LARGE1: variants seen among roughly 807,000 people sequenced by gnomAD.
LARGE1 encodes LARGE xylosyl- and glucuronyltransferase 1, also known as xylosyl- and glucuronyltransferase LARGE1.
In LARGE1, 43 loss-of-function variants were observed where a neutral mutation model predicts 87.6. That is an observed-to-expected ratio of 0.49 (90% CI 0.38 to 0.63). The LOEUF (loss-of-function observed/expected upper bound fraction) is 0.63, where lower values mean the gene tolerates loss of function less well. Ranked by LOEUF, LARGE1 falls within the 30% of genes least tolerant of loss-of-function variation. The pLI is 0.00. For missense variants in LARGE1, 802 were observed against 1,000.2 expected (o/e 0.80, Z 2.67); for synonymous variants, 434 against 394.6 (o/e 1.10, Z -1.18).
At chr22:33,135,561 C>T in the LARGE1 span, among the ~76,000 whole-genome samples, 12 of 152,072 alleles carry the variant, frequency 7.9e-5, no homozygotes, top group African/African-American at 1.2e-4. Flanking sequence ...AGAAGCCGAC[C>T]GGACACAGTG....
At chr22:33,504,853 T>C (rs2070689350) in intron 6 of LARGE1, among the ~76,000 whole-genome samples, 1 of 152,190 alleles carries the variant, frequency 6.6e-6, no homozygotes, top group Non-Finnish European at 1.5e-5. Flanking sequence ...TAGACAATGA[T>C]TTTGAAAACC....
At chr22:33,890,177 C>T (rs957842592) in intron 1 of LARGE1, among the ~76,000 whole-genome samples, 3 of 152,202 alleles carry the variant, frequency 2.0e-5, no homozygotes, top group Non-Finnish European at 2.9e-5. Flanking sequence ...CAGGGTTAAG[C>T]GCATAATTCT....
chr22:33,295,164 G>GC (rs1415669929), intron 12 of LARGE1, among the ~76,000 whole-genome samples: 1 of 152,176 alleles, frequency 6.6e-6, no homozygotes, highest in Non-Finnish European at 1.5e-5. Context: ...AAGTGGATCA[G>GC]CCAGTGGGGG....
intron 6 of LARGE1, among the ~76,000 whole-genome samples, chr22:33,483,888 C>A (rs1016629491): frequency 2.6e-5 from 4 of 152,154 alleles, no homozygotes; most frequent in African/African-American, 9.7e-5. Flanking sequence ...ATCTCATCAG[C>A]CTGCTGCTGG....
chr22:33,528,141 G>A (rs2072006891), intron 6 of LARGE1, among the ~76,000 whole-genome samples: 1 of 150,818 alleles, frequency 6.6e-6, no homozygotes, highest in Non-Finnish European at 1.5e-5. Flanking sequence ...GGGGGGGGCG[G>A]GGCGGGGTAA....
chr22:33,319,001 T>C (rs1000823174), intron 10 of LARGE1, among the ~76,000 whole-genome samples: 37 of 152,170 alleles, frequency 2.4e-4, no homozygotes, highest in Non-Finnish European at 4.3e-4. Flanking sequence ...GTTAAGACCA[T>C]TGCCTTGACA....
chr22:33,344,361 C>T (rs1939499004), intron 9 of LARGE1, among the ~76,000 whole-genome samples: 1 of 150,128 alleles, frequency 6.7e-6, no homozygotes, highest in African/African-American at 2.4e-5. Flanking sequence ...ACCATACTCT[C>T]TTCCTGAAAC....
At chr22:33,838,747 TA>T (rs2063183371) in intron 1 of LARGE1, among the ~76,000 whole-genome samples, 1 of 152,220 alleles carries the variant, frequency 6.6e-6, no homozygotes, top group South Asian at 2.1e-4. Flanking sequence ...TTCCAGAGGT[TA>T]AAAGTTCTTC....
intron 11 of LARGE1, among the ~76,000 whole-genome samples, chr22:33,183,049 C>T (rs1408768026): frequency 6.6e-6 from 1 of 151,956 alleles, no homozygotes; most frequent in Non-Finnish European, 1.5e-5. Flanking sequence ...GGAGAAAATA[C>T]TTGCAAATCA....
At chr22:33,513,309 G>A (rs1212302847) in intron 6 of LARGE1, among the ~76,000 whole-genome samples, 1 of 152,194 alleles carries the variant, frequency 6.6e-6, no homozygotes, top group African/African-American at 2.4e-5. Context: ...AAGGGTAATC[G>A]AGACTAATTT....
At chr22:33,120,432 C>G in the LARGE1 span, among the ~76,000 whole-genome samples, 2 of 126,376 alleles carry the variant, frequency 1.6e-5, no homozygotes, top group Non-Finnish European at 3.5e-5. Flanking sequence ...CTTTCTCTCT[C>G]TCTCCTTCCT....
intron 11 of LARGE1, among the ~76,000 whole-genome samples, chr22:33,177,250 C>T (rs920685713): frequency 2.6e-5 from 4 of 152,108 alleles, no homozygotes; most frequent in East Asian, 1.9e-4. Flanking sequence ...CACGTGTATA[C>T]GTATGTAACA....
intron 11 of LARGE1, among the ~76,000 whole-genome samples, chr22:33,305,863 C>T (rs1250969855): frequency 4.2e-5 from 5 of 119,998 alleles, no homozygotes; most frequent in East Asian, 2.1e-4. Flanking sequence ...TTTTTTGAGG[C>T]GGAGTCTTGC....
At chr22:33,600,683 G>C (rs1200532630) in intron 5 of LARGE1, among the ~76,000 whole-genome samples, 2 of 152,176 alleles carry the variant, frequency 1.3e-5, no homozygotes, top group Non-Finnish European at 2.9e-5. Flanking sequence ...GAGGAAGGAC[G>C]CAAGTGGTGC....
At chr22:33,183,228 T>C (rs1287229967) in intron 11 of LARGE1, among the ~76,000 whole-genome samples, 2 of 152,044 alleles carry the variant, frequency 1.3e-5, no homozygotes, top group African/African-American at 2.4e-5. Context: ...GATGAAAAAA[T>C]GATCAACATC....
chr22:33,483,965 CG>C (rs2069451179), intron 6 of LARGE1, among the ~76,000 whole-genome samples: 1 of 152,110 alleles, frequency 6.6e-6, no homozygotes, highest in African/African-American at 2.4e-5. Flanking sequence ...CCTTGACGGC[CG>C]GAAGTTTAGA....
At chr22:33,867,723 C>T (rs76603170) in intron 1 of LARGE1, among the ~76,000 whole-genome samples, 2,565 of 152,310 alleles carry the variant, frequency 0.017, 68 homozygotes, top group African/African-American at 0.059. Flanking sequence ...ATTTCAAGTC[C>T]TCTAGTCCCG....
chr22:33,552,166 G>A (rs1336405563), intron 6 of LARGE1, among the ~76,000 whole-genome samples: 1 of 152,142 alleles, frequency 6.6e-6, no homozygotes, highest in African/African-American at 2.4e-5. Flanking sequence ...GTAACAAGTA[G>A]GTGCTCAATA....
chr22:33,832,610 G>A (rs1376998594), intron 1 of LARGE1, among the ~76,000 whole-genome samples: 2 of 152,204 alleles, frequency 1.3e-5, no homozygotes, highest in African/African-American at 4.8e-5. Flanking sequence ...GGCAACCCCA[G>A]AGGGCTCGGA....
Sources: allele counts gnomAD v4.1 joint callset (sites outside exome capture counted in the v4.1 genomes callset), GRCh38; gene constraint gnomAD v4.1.1; transcripts MANE v1.5; gene names NCBI Gene and HGNC (gene_info 2026-07-23, HGNC 2026-07-21).